The following NELL1 variants were observed in gnomAD, a reference collection of about 807,000 sequenced individuals.
The protein encoded by NELL1 is neural EGFL like 1.
In NELL1, 76 loss-of-function variants were observed where a neutral mutation model predicts 107.4. The observed-to-expected ratio is 0.71, with a 90% CI of 0.59 to 0.86. The LOEUF (loss-of-function observed/expected upper bound fraction) is 0.86. Ranked by LOEUF, NELL1 falls within the 40% of genes least tolerant of loss-of-function variation. The probability of loss-of-function intolerance (pLI) is 0.00; values close to 1 mark genes in which losing one functional copy is unlikely to be tolerated. For synonymous variants in NELL1, 353 were observed against 341.2 expected, an observed-to-expected ratio of 1.03 and a Z score of -0.38; for missense variants, 1,024 against 1,005.5, an observed-to-expected ratio of 1.02 and a Z score of -0.25.
intron 2 of NELL1, among the ~76,000 whole-genome samples, chr11:20,698,210 G>C (rs1333498864): frequency 2.0e-5 from 3 of 152,198 alleles, no homozygotes; most frequent in Non-Finnish European, 2.9e-5. Flanking sequence ...AGCCGTGAGA[G>C]TGGAGTGGTT....
At chr11:21,011,583 GGA>G (rs1478766027) in intron 12 of NELL1, among the ~76,000 whole-genome samples, 3 of 152,118 alleles carry the variant, frequency 2.0e-5, no homozygotes, top group Admixed American at 6.6e-5. Flanking sequence ...GCATCTCTCT[GGA>G]GCTGAAGTGG....
In NELL1 at chr11:21,127,195, GAGAC is replaced by G. The variant is rs572544213; in HGVS notation, c.1426+13484_1426+13487del. On this transcript the variant is annotated intron_variant, in intron 13 of 19. Transcript: ENST00000357134. ...TTAGAGGGAATTCGCAACACACAGA[GAGAC>G]AGGTAAAGAAAATAGCAAGTTTAAT... Among the ~76,000 whole-genome samples, 6 of 152,228 alleles carry G rather than the reference GAGAC, an allele frequency of 3.9e-5. No homozygotes were observed. In the East Asian group the frequency reaches 1.2e-3, roughly 29 times the overall value.
At position 20,865,999 on chromosome 11, in the gene NELL1, C is replaced by T. The variant is rs554080553; in HGVS notation, c.506+18246C>T. ...CTCAACTCCCTTGAATCTTGGGTTTCTTTTCAGTAAAATGGGGATGGCAGT... is the reference window on the plus strand; with the variant it reads ...CTCAACTCCCTTGAATCTTGGGTTTTTTTTCAGTAAAATGGGGATGGCAGT... On this transcript the variant is annotated intron_variant, in intron 4 of 19. Transcript: ENST00000357134. 2.6e-5 allele frequency among the ~76,000 whole-genome samples: 4 copies of T among 152,280 alleles called. No individual in the cohort carries two copies. The South Asian group carries it at 8.3e-4, about 32-fold the overall frequency.
At chr11:20,802,832 A>AT (rs1314972805) in intron 3 of NELL1, among the ~76,000 whole-genome samples, 5 of 151,948 alleles carry the variant, frequency 3.3e-5, no homozygotes, top group African/African-American at 1.2e-4. Context: ...TGATTGTATA[A>AT]TTTTTTCCTT....
chr11:20,696,569 G>A (rs1211913949), intron 2 of NELL1, among the ~76,000 whole-genome samples: 1 of 152,020 alleles, frequency 6.6e-6, no homozygotes, highest in South Asian at 2.1e-4. Flanking sequence ...TCTAGAAGAG[G>A]GAAAGCCTTT....
intron 3 of NELL1, among the ~76,000 whole-genome samples, chr11:20,789,850 G>C (rs1469412311): frequency 6.6e-6 from 1 of 152,182 alleles, no homozygotes; most frequent in Non-Finnish European, 1.5e-5. Context: ...TGTCTCTGCA[G>C]CTCTCAGCAG....
At chr11:20,768,921 G>A (rs1038701957) in intron 2 of NELL1, among the ~76,000 whole-genome samples, 26 of 152,118 alleles carry the variant, frequency 1.7e-4, no homozygotes, top group Non-Finnish European at 2.1e-4. Context: ...AGCCTCTAGG[G>A]TTGCAGTAAT....
chr11:20,908,377 A>G (rs1835291), intron 5 of NELL1, among the ~76,000 whole-genome samples: 136 of 152,326 alleles, frequency 8.9e-4, no homozygotes, highest in African/African-American at 3.1e-3. Flanking sequence ...ACACAGCCAT[A>G]AAAAGGGACA....
In NELL1 at chr11:21,185,487, G is replaced by A. The variant is rs1856916359; in HGVS notation, c.1427-43845G>A. ...TTTTTGTATATTTAGTAGAGACGGA[G>A]TTCCACCATGTTGACCAGGCTGGTC... On this transcript the variant is annotated intron_variant, in intron 13 of 19. Coordinates refer to ENST00000357134, the MANE Select transcript of NELL1 (RefSeq NM_006157.5). Among the ~76,000 whole-genome samples the A allele has an allele frequency of 2.0e-5, 3 of 151,510 alleles. No individual in the cohort carries two copies. The South Asian group carries it at 6.2e-4, about 31-fold the overall frequency.
At chr11:20,940,726 T>G (rs536351420) in intron 10 of NELL1, among the ~76,000 whole-genome samples, 27 of 152,344 alleles carry the variant, frequency 1.8e-4, no homozygotes, top group African/African-American at 6.3e-4. Context: ...CCAGATTTAT[T>G]GTAGAGGCAG....
chr11:21,314,421 G>A lies in NELL1; in HGVS notation c.1550-56432G>A, dbSNP rs138574219. ...CATCTGTGAAATGTGAATACTATTA[G>A]TAATGATGCCATAGAACTGTGGTGA... is the stretch of plus-strand genomic sequence containing the variant. On this transcript the variant is annotated intron_variant, in intron 14 of 19. Transcript: ENST00000357134. Among the ~76,000 whole-genome samples, 543 of 152,260 alleles carry A rather than the reference G, an allele frequency of 3.6e-3. 1 individual carries two copies. The highest frequency in any genetic ancestry group is 6.1e-3 in the Non-Finnish European group (413 of 68,024).
chr11:21,325,992 A>G (rs1022604192), intron 14 of NELL1, among the ~76,000 whole-genome samples: 3 of 143,722 alleles, frequency 2.1e-5, no homozygotes, highest in Admixed American at 1.4e-4. Flanking sequence ...GTAGTATTTA[A>G]TTATATGAAT....
intron 2 of NELL1, among the ~76,000 whole-genome samples, chr11:20,719,510 G>A (rs1855328634): frequency 6.6e-6 from 1 of 152,124 alleles, no homozygotes; most frequent in Non-Finnish European, 1.5e-5. Flanking sequence ...GAAAAAATTT[G>A]TGATTTAATG....
chr11:21,538,062 A>G (rs929221266), intron 16 of NELL1, among the ~76,000 whole-genome samples: 4 of 152,132 alleles, frequency 2.6e-5, no homozygotes, highest in African/African-American at 7.2e-5. Context: ...CCTAAATAAT[A>G]TCAACCACTA....
intron 2 of NELL1, among the ~76,000 whole-genome samples, chr11:20,690,220 C>T (rs1291576773): frequency 1.3e-5 from 2 of 152,190 alleles, no homozygotes; most frequent in African/African-American, 2.4e-5. Context: ...AATTTTCTCC[C>T]ATTCTGTAGG....
intron 14 of NELL1, among the ~76,000 whole-genome samples, chr11:21,311,712 T>G (rs1276487577): frequency 6.6e-6 from 1 of 152,096 alleles, no homozygotes; most frequent in Non-Finnish European, 1.5e-5. Context: ...CCCATGAAAA[T>G]ATCAGCTAGC....
intron 13 of NELL1, among the ~76,000 whole-genome samples, chr11:21,207,425 A>G (rs991233880): frequency 2.6e-5 from 4 of 152,186 alleles, no homozygotes; most frequent in Admixed American, 6.5e-5. Flanking sequence ...TAAGGCACAT[A>G]GAGGAGAGTA....
chr11:20,689,436 TC>T (rs1445772303), intron 2 of NELL1, among the ~76,000 whole-genome samples: 3 of 66,968 alleles, frequency 4.5e-5, no homozygotes, highest in African/African-American at 6.0e-5. Context: ...CCCTCCCCCC[TC>T]CCCCCACCCC....
intron 12 of NELL1, among the ~76,000 whole-genome samples, chr11:21,087,052 G>A (rs1176000401): frequency 6.6e-6 from 1 of 152,070 alleles, no homozygotes. Context: ...TGTTAGCCAG[G>A]ATGGTCTCGA....
Sources: gnomAD v4.1 joint callset for allele counts (sites outside exome capture counted in the v4.1 genomes callset) on GRCh38, gnomAD v4.1.1 for gene constraint, MANE v1.5 for transcripts, NCBI Gene and HGNC (gene_info 2026-07-23, HGNC 2026-07-21) for gene names.